The following DCUN1D5 variants were observed in gnomAD, a reference collection of about 807,000 sequenced individuals.
DCUN1D5 encodes DCN1-like protein 5.
Under a neutral mutation model 38.3 loss-of-function variants are expected in DCUN1D5, and 10 were observed. That is an observed-to-expected ratio of 0.26 (90% CI 0.16 to 0.44). DCUN1D5 has a LOEUF of 0.44. Among genes scored for constraint, DCUN1D5 ranks in the 20% least tolerant of loss-of-function variants. The pLI is 1.00. For missense variants in DCUN1D5, 148 were observed against 275.3 expected (o/e 0.54, Z 3.27); for synonymous variants, 93 against 90.9 (o/e 1.02, Z -0.13).
rs1319247153 is a variant in DCUN1D5 at position 103,066,575 on chromosome 11, A to G, written c.342-8T>C. 2 of 1,543,080 alleles carry G rather than the reference A, an allele frequency of 1.3e-6. No individual in the cohort carries two copies. Among genetic ancestry groups the G allele is most frequent in the Admixed American group, 1.7e-5 (1 of 58,222 alleles). On this transcript the variant is annotated splice_region_variant and splice_polypyrimidine_tract_variant and intron_variant, in intron 4 of 7. Coordinates refer to ENST00000260247, the MANE Select transcript of DCUN1D5 (RefSeq NM_032299.4). This position sits in a 1 kb window ranked among gnomAD's most constrained non-coding sequence, Gnocchi z 4.7. ...TTTTCTGTGCAGTCACACCTTAAAT[A>G]AAAGAAATATCAAACAAATTACATA...
chr11:103,091,801 C>T lies in DCUN1D5; in HGVS notation c.72G>A (p.Lys24=), dbSNP rs1161627293. 2 of 1,613,994 alleles carry T rather than the reference C, an allele frequency of 1.2e-6. No individual in the cohort carries two copies. The highest frequency in any genetic ancestry group is 2.7e-5 in the African/African-American group (2 of 74,916). The change falls in exon 1 of 8, where the codon AAG becomes AAA. Residue 24 remains lysine, a synonymous_variant. Transcript: ENST00000260247. This position sits in a 1 kb window ranked among gnomAD's most constrained non-coding sequence, Gnocchi z 4.3. The part of the protein sequence containing the change: ...AAVAEDGGLK[K]CKISSYCRSQ... ...GGAGATGGTACCTGGAGATTTTACA[C>T]TTTTTGAGGCCTCCGTCTTCCGCTA...
chr11:103,057,747 T>C lies in DCUN1D5; in HGVS notation c.*4612A>G, dbSNP rs542524336. ...AAAAAAAAAAGGGAAAAGTTAATTA[T>C]GGCTAATATTCTACACAAAACACAC... On this transcript the variant is annotated 3_prime_UTR_variant, in exon 8 of 8. Coordinates refer to ENST00000260247, the MANE Select transcript of DCUN1D5 (RefSeq NM_032299.4). This position sits in a 1 kb window ranked among gnomAD's most constrained non-coding sequence, Gnocchi z 4.8. Among the ~76,000 whole-genome samples the C allele has an allele frequency of 4.0e-5, 6 of 151,788 alleles. No individual in the cohort carries two copies. Among genetic ancestry groups the C allele is most frequent in the African/African-American group, 1.5e-4 (6 of 41,274 alleles).
rs914822798 is a variant in DCUN1D5, at chr11:103,087,612, T to A, written c.178+1615A>T. On this transcript the variant is annotated intron_variant, in intron 2 of 7. Coordinates refer to ENST00000260247, the MANE Select transcript of DCUN1D5 (RefSeq NM_032299.4). This position sits in a 1 kb window ranked among gnomAD's most constrained non-coding sequence, Gnocchi z 4.1. ...CTGCAGTGAGCCATGATCACAGCAC[T>A]GCGCTCCAGCGTGGGCGACACAGTG... Among the ~76,000 whole-genome samples, 1 of 152,170 alleles carries A rather than the reference T, an allele frequency of 6.6e-6. No homozygotes were observed. Among genetic ancestry groups the A allele is most frequent in the Non-Finnish European group, 1.5e-5 (1 of 68,034 alleles).
rs1565283919 is a variant in DCUN1D5, at chr11:103,062,284, T to TC, written c.*74_*75insG. The TC allele has an allele frequency of 7.0e-7, 1 of 1,428,906 alleles. No individual in the cohort carries two copies. The highest frequency in any genetic ancestry group is 1.2e-5 in the South Asian group (1 of 82,922). The allele number at this position is 1,428,906 out of a possible 1,614,324, so 88.5% of individuals were successfully genotyped here. On this transcript the variant is annotated 3_prime_UTR_variant, in exon 8 of 8. Coordinates refer to ENST00000260247, the MANE Select transcript of DCUN1D5 (RefSeq NM_032299.4). This position sits in a 1 kb window ranked among gnomAD's most constrained non-coding sequence, Gnocchi z 4.6. ...ATGAATGAAAATGCACCCGTTGGAT[T>TC]TTTTTCCCCCTCATCACATTAGCTT...
chr11:103,082,633 G>T, intron 4 of DCUN1D5, 115 bp downstream of exon 4: 1 of 716,008 alleles, frequency 1.4e-6, no homozygotes, highest in Non-Finnish European at 2.3e-6. Flanking sequence ...AATTGTTATA[G>T]ATCAAACAGA....
rs1216415165 is a variant in DCUN1D5 at position 103,058,487 on chromosome 11, T to G, written c.*3872A>C. Among the ~76,000 whole-genome samples the G allele has an allele frequency of 6.6e-6, 1 of 152,184 alleles. No homozygotes were observed. The highest frequency in any genetic ancestry group is 6.5e-5 in the Admixed American group (1 of 15,274). ...CTACAATTAAATTAATGACAACTTATCCAAGGTTTGGGGCAGAAATTCATC... is the reference window on the plus strand; with the variant it reads ...CTACAATTAAATTAATGACAACTTAGCCAAGGTTTGGGGCAGAAATTCATC... On this transcript the variant is annotated 3_prime_UTR_variant, in exon 8 of 8. Coordinates refer to ENST00000260247, the MANE Select transcript of DCUN1D5 (RefSeq NM_032299.4).
At position 103,065,593 on chromosome 11, in the gene DCUN1D5, C is replaced by A. The variant is rs1862115427; in HGVS notation, c.555+676G>T. Among the ~76,000 whole-genome samples the A allele has an allele frequency of 1.3e-5, 2 of 151,540 alleles. No homozygotes were observed. Among genetic ancestry groups the A allele is most frequent in the African/African-American group, 4.8e-5 (2 of 41,244 alleles). ...ATATGGTGAGAACTATACCAATAAC[C>A]CTAGAATTACAAAGGCACAAAAACA... On this transcript the variant is annotated intron_variant, in intron 6 of 7. Transcript: ENST00000260247. This position sits in a 1 kb window ranked among gnomAD's most constrained non-coding sequence, Gnocchi z 4.6.
Position 103,060,031 on chromosome 11 carries a change from T to C in DCUN1D5, c.*2328A>G, listed in dbSNP as rs983107254. On this transcript the variant is annotated 3_prime_UTR_variant, in exon 8 of 8. Coordinates refer to ENST00000260247, the MANE Select transcript of DCUN1D5 (RefSeq NM_032299.4). ...GTATTGTTTATATCACTTAACATTT[T>C]TGATCATAAATTTCCCAGTAAATTA... 6.6e-6 allele frequency among the ~76,000 whole-genome samples: 1 copy of C among 152,164 alleles called. No homozygotes were observed. The highest frequency in any genetic ancestry group is 6.6e-5 in the Admixed American group (1 of 15,262).
chr11:103,092,145 A>G lies in DCUN1D5; in HGVS notation c.-273T>C. ...ATAACGCGGACAGCGCGGCAGCTCC[A>G]CCAGTCACAGCAAGCAAGAGGCTCA... is the stretch of plus-strand genomic sequence containing the variant. On this transcript the variant is annotated 5_prime_UTR_variant, in exon 1 of 8. Transcript: ENST00000260247. 2.4e-6 allele frequency: 1 copy of G among 421,106 alleles called. No individual in the cohort carries two copies. Among genetic ancestry groups the G allele is most frequent in the South Asian group, 3.3e-5 (1 of 30,610 alleles). 26.1% of individuals were successfully genotyped at this position (421,106 alleles called of 1,614,324 possible).
intron 4 of DCUN1D5, among the ~76,000 whole-genome samples, chr11:103,068,544 T>C (rs917146174): frequency 5.9e-5 from 9 of 152,132 alleles, no homozygotes; most frequent in Non-Finnish European, 1.3e-4. Flanking sequence ...TGCGGGAACA[T>C]GGATGGTGCT....
Position 103,091,955 on chromosome 11 carries a change from A to C in DCUN1D5, c.-83T>G. On this transcript the variant is annotated 5_prime_UTR_variant, in exon 1 of 8. Coordinates refer to ENST00000260247, the MANE Select transcript of DCUN1D5 (RefSeq NM_032299.4). The surrounding 1 kb of genome is among the most constrained non-coding windows in gnomAD (Gnocchi z 4.3). ...TGGAAGCCCCTCAGCGCTGGCACCCAGTTCCCAGAGACAGCAGCAAGCGGA... is the reference window on the plus strand; with the variant it reads ...TGGAAGCCCCTCAGCGCTGGCACCCCGTTCCCAGAGACAGCAGCAAGCGGA... The C allele has an allele frequency of 7.5e-7, 1 of 1,325,864 alleles. No individual in the cohort carries two copies. The allele number at this position is 1,325,864 out of a possible 1,614,324, so 82.1% of individuals were successfully genotyped here.
chr11:103,077,958 C>A lies in DCUN1D5; in HGVS notation c.341+4790G>T, dbSNP rs1263027643. ...TGGGCCCCAAATGCTAAATGAATGA[C>A]AGTCACATCACACACGATGGCATTT... On this transcript the variant is annotated intron_variant, in intron 4 of 7. Coordinates refer to ENST00000260247, the MANE Select transcript of DCUN1D5 (RefSeq NM_032299.4). The surrounding 1 kb of genome is among the most constrained non-coding windows in gnomAD (Gnocchi z 4.3). Among the ~76,000 whole-genome samples the A allele has an allele frequency of 2.6e-5, 4 of 152,210 alleles. No individual in the cohort carries two copies. The East Asian group carries it at 7.7e-4, about 29-fold the overall frequency.
Position 103,065,144 on chromosome 11 carries a change from A to G in DCUN1D5, c.556-767T>C, listed in dbSNP as rs140044246. Among the ~76,000 whole-genome samples the G allele has an allele frequency of 4.6e-5, 7 of 151,426 alleles. No homozygotes were observed. In the East Asian group the frequency reaches 1.4e-3, roughly 29 times the overall value. On this transcript the variant is annotated intron_variant, in intron 6 of 7. Coordinates refer to ENST00000260247, the MANE Select transcript of DCUN1D5 (RefSeq NM_032299.4). The surrounding 1 kb of genome is among the most constrained non-coding windows in gnomAD (Gnocchi z 4.6). ...ACTCATTCATGTAAGACCTTTTCATATCATTGTCTCTTTTTTTTTTTTTCT... is the reference window on the plus strand; with the variant it reads ...ACTCATTCATGTAAGACCTTTTCATGTCATTGTCTCTTTTTTTTTTTTTCT...
rs543285320 is a variant in DCUN1D5, at chr11:103,066,859, C to A, written c.342-292G>T. On this transcript the variant is annotated intron_variant, in intron 4 of 7. Transcript: ENST00000260247. The surrounding 1 kb of genome is among the most constrained non-coding windows in gnomAD (Gnocchi z 4.7). The stretch of plus-strand genomic sequence containing the variant: ...CTCATTCAAAAATTCCAAATAAAAT[C>A]GAAGTTAAAAAGAGATGTATTAAAA... Among the ~76,000 whole-genome samples, 93 of 152,062 alleles carry A rather than the reference C, an allele frequency of 6.1e-4. No homozygotes were observed. Among genetic ancestry groups the A allele is most frequent in the African/African-American group, 2.2e-3 (91 of 41,486 alleles).
intron 4 of DCUN1D5, among the ~76,000 whole-genome samples, chr11:103,079,520 C>T (rs764657265): frequency 3.3e-5 from 5 of 152,016 alleles, no homozygotes; most frequent in Non-Finnish European, 4.4e-5. Context: ...CACTTGAGCC[C>T]AGGAGTTTGA....
At position 103,061,773 on chromosome 11, in the gene DCUN1D5, CT is replaced by C. The variant is rs1862017280; in HGVS notation, c.*585del. Among the ~76,000 whole-genome samples, 1 of 152,054 alleles carries C rather than the reference CT, an allele frequency of 6.6e-6. No individual in the cohort carries two copies. The highest frequency in any genetic ancestry group is 1.5e-5 in the Non-Finnish European group (1 of 67,970). On this transcript the variant is annotated 3_prime_UTR_variant, in exon 8 of 8. Transcript: ENST00000260247. The stretch of plus-strand genomic sequence containing the variant: ...TTCTAAGCTCTCTGAGATAAGACAT[CT>C]GCATAAGACCTTGGCAGCTTTTATA...
rs940008331 is a variant in DCUN1D5, at chr11:103,051,512, C to CCG, written c.*10846_*10847insCG. On this transcript the variant is annotated 3_prime_UTR_variant, in exon 8 of 8. Transcript: ENST00000260247. ...TTCACATATTTACTTCCCCCCCCCC[C>CCG]CCGCCACCCCTGTGTTAACAGGTTT... 1.5e-5 allele frequency: 2 copies of CCG among 134,270 alleles called. No individual in the cohort carries two copies. Among genetic ancestry groups the CCG allele is most frequent in the East Asian group, 2.5e-4 (1 of 3,972 alleles). 8.3% of individuals were successfully genotyped at this position (134,270 alleles called of 1,614,324 possible).
chr11:103,082,598 A>G (rs544747460), intron 4 of DCUN1D5, 150 bp downstream of exon 4: 5 of 617,692 alleles, frequency 8.1e-6, no homozygotes, highest in East Asian at 2.8e-5. Flanking sequence ...CAAGACCACA[A>G]TATAATTTTT....
rs537282198 is a variant in DCUN1D5 at position 103,089,660 on chromosome 11, A to G, written c.87-342T>C. ...TTATGATTCTATTGATTTGCATAGA[A>G]ATTCTATTTGTGTGTAATAGATAAA... On this transcript the variant is annotated intron_variant, in intron 1 of 7. Transcript: ENST00000260247. Among the ~76,000 whole-genome samples the G allele has an allele frequency of 1.3e-4, 20 of 152,294 alleles. No homozygotes were observed. The East Asian group carries it at 3.3e-3, about 25-fold the overall frequency.
Sources: allele counts gnomAD v4.1 joint callset (sites outside exome capture counted in the v4.1 genomes callset), GRCh38; gene constraint gnomAD v4.1.1; non-coding constraint Gnocchi (gnomAD v3.1); transcripts MANE v1.5; gene names NCBI Gene and HGNC (gene_info 2026-07-23, HGNC 2026-07-21).